Variants in SV2B observed in about 807,000 individuals in gnomAD.
SV2B encodes solute carrier family 22 member B2.
A neutral mutation model predicts 73.9 loss-of-function variants in SV2B; 41 were observed. That is an observed-to-expected ratio of 0.56 (90% CI 0.43 to 0.72). SV2B has a LOEUF of 0.72. SV2B is among the 30% of genes least tolerant of loss of function. The probability of loss-of-function intolerance (pLI) is 0.00; values close to 1 mark genes in which losing one functional copy is unlikely to be tolerated. For missense variants in SV2B, 764 were observed against 857.8 expected, an observed-to-expected ratio of 0.89 and a Z score of 1.37; for synonymous variants, 314 against 314.2, an observed-to-expected ratio of 1.00 and a Z score of 0.01.
At chr15:91,189,496 C>A (rs959313241) in intron 1 of SV2B, among the ~76,000 whole-genome samples, 1 of 151,936 alleles carries the variant, frequency 6.6e-6, no homozygotes, top group Non-Finnish European at 1.5e-5. Context: ...ATATGTAGTT[C>A]GATACTTCTG....
Position 91,220,257 on chromosome 15 carries a change from C to T in SV2B, c.-391-5616C>T, listed in dbSNP as rs534489495. On this transcript the variant is annotated intron_variant, in intron 1 of 12. Coordinates refer to ENST00000394232, the MANE Select transcript of SV2B (RefSeq NM_001323032.3). The surrounding 1 kb of genome is among the most constrained non-coding windows in gnomAD (Gnocchi z 4.1). ...AGGGTTCCAGTTCATCACATTCTAG[C>T]CAACACTTGCTATTGTCTGTCTGTT... Among the ~76,000 whole-genome samples the T allele has an allele frequency of 2.0e-5, 3 of 152,328 alleles. No individual in the cohort carries two copies. The highest frequency in any genetic ancestry group is 6.5e-5 in the Admixed American group (1 of 15,300).
chr15:91,133,704 G>T (rs969282114), intron 1 of SV2B, among the ~76,000 whole-genome samples: 6 of 152,140 alleles, frequency 3.9e-5, no homozygotes, highest in Non-Finnish European at 7.4e-5. Context: ...CTGTCCCCAG[G>T]CAGCAGGGTC....
chr15:91,264,974 T>C (rs1405666254), intron 6 of SV2B, among the ~76,000 whole-genome samples: 1 of 152,152 alleles, frequency 6.6e-6, no homozygotes, highest in Non-Finnish European at 1.5e-5. Flanking sequence ...TTGATGATTA[T>C]ATTAATGATG....
chr15:91,255,265 A>T (rs1308871672), intron 4 of SV2B, among the ~76,000 whole-genome samples: 1 of 152,192 alleles, frequency 6.6e-6, no homozygotes, highest in Non-Finnish European at 1.5e-5. Context: ...TCCATGGCAG[A>T]GGGGCCCCAT....
chr15:91,161,010 C>T (rs2043694795), intron 1 of SV2B, among the ~76,000 whole-genome samples: 1 of 141,432 alleles, frequency 7.1e-6, no homozygotes, highest in South Asian at 2.5e-4. Flanking sequence ...GCGTGCAGCC[C>T]CACGGATTAA....
intron 1 of SV2B, among the ~76,000 whole-genome samples, chr15:91,201,208 C>T (rs1223574153): frequency 6.6e-6 from 1 of 152,160 alleles, no homozygotes; most frequent in African/African-American, 2.4e-5. Flanking sequence ...GAATCACACC[C>T]TTTTTGGGTG....
At position 91,239,929 on chromosome 15, in the gene SV2B, C is replaced by A. The variant is rs931165417; in HGVS notation, c.452-11890C>A. Among the ~76,000 whole-genome samples the A allele has an allele frequency of 6.6e-6, 1 of 152,186 alleles. No homozygotes were observed. The highest frequency in any genetic ancestry group is 1.5e-5 in the Non-Finnish European group (1 of 68,032). On this transcript the variant is annotated intron_variant, in intron 2 of 12. Transcript: ENST00000394232. This position sits in a 1 kb window ranked among gnomAD's most constrained non-coding sequence, Gnocchi z 5.1. ...CGATAATGGCTTTCCAATCACCTGG[C>A]AGGTGTCCACCAAGTCTTATGGCTT...
intron 6 of SV2B, among the ~76,000 whole-genome samples, chr15:91,263,947 A>C (rs898176215): frequency 3.3e-5 from 5 of 152,208 alleles, no homozygotes; most frequent in African/African-American, 1.2e-4. Flanking sequence ...TAAATCTGAG[A>C]GTGTCTTTCT....
At chr15:91,184,350 T>A (rs950613510) in intron 1 of SV2B, among the ~76,000 whole-genome samples, 43 of 152,298 alleles carry the variant, frequency 2.8e-4, no homozygotes, top group African/African-American at 9.9e-4. Context: ...TGAATTCTGA[T>A]CTCTTCAGGC....
At chr15:91,285,601 G>A (rs902514290) in intron 11 of SV2B, among the ~76,000 whole-genome samples, 5 of 152,214 alleles carry the variant, frequency 3.3e-5, no homozygotes, top group Admixed American at 2.0e-4. Flanking sequence ...GTGGACCCAC[G>A]TTCCTTTACT....
At chr15:91,113,020 T>C (rs2042079366) in intron 1 of SV2B, among the ~76,000 whole-genome samples, 1 of 152,176 alleles carries the variant, frequency 6.6e-6, no homozygotes, top group African/African-American at 2.4e-5. Context: ...TTTTGAGAGA[T>C]GGGGTCTCCC....
chr15:91,298,679 T>A lies in SV2B; in HGVS notation c.*6127T>A, dbSNP rs888633216. The A allele has an allele frequency of 6.6e-6, 1 of 152,206 alleles. No homozygotes were observed. The highest frequency in any genetic ancestry group is 1.5e-5 in the Non-Finnish European group (1 of 68,028). The allele number at this position is 152,206 out of a possible 1,614,324, so 9.4% of individuals were successfully genotyped here. ...CTGAAAACACACATTTAGCTGTCCA[T>A]TTACCTTTAATCCTACAGGCTTAAA... is the stretch of plus-strand genomic sequence containing the variant. On this transcript the variant is annotated 3_prime_UTR_variant, in exon 13 of 13. Coordinates refer to ENST00000394232, the MANE Select transcript of SV2B (RefSeq NM_001323032.3). This position sits in a 1 kb window ranked among gnomAD's most constrained non-coding sequence, Gnocchi z 5.4.
At chr15:91,274,344 A>G (rs1263808210) in intron 9 of SV2B, among the ~76,000 whole-genome samples, 1 of 152,150 alleles carries the variant, frequency 6.6e-6, no homozygotes, top group Non-Finnish European at 1.5e-5. Context: ...TATCATTGTT[A>G]TGTCCTCTCT....
At chr15:91,152,394 A>G (rs1395702021) in intron 1 of SV2B, among the ~76,000 whole-genome samples, 1 of 152,182 alleles carries the variant, frequency 6.6e-6, no homozygotes, top group African/African-American at 2.4e-5. Flanking sequence ...GAGAGGTGGC[A>G]TAACACAGGG....
At chr15:91,210,717 C>T (rs1475798681) in intron 1 of SV2B, among the ~76,000 whole-genome samples, 1 of 152,190 alleles carries the variant, frequency 6.6e-6, no homozygotes, top group Non-Finnish European at 1.5e-5. Context: ...CCTATTGGAG[C>T]AATGCATCTC....
rs185650923 is a variant in SV2B at position 91,199,526 on chromosome 15, C to T, written c.-391-26347C>T. On this transcript the variant is annotated intron_variant, in intron 1 of 12. Coordinates refer to ENST00000394232, the MANE Select transcript of SV2B (RefSeq NM_001323032.3). ...TAAATGCCGCTTTGCTAAAACACAG[C>T]GCCTCTGGGCAGATGTTAGGCCCTT... Among the ~76,000 whole-genome samples the T allele has an allele frequency of 5.9e-5, 9 of 152,300 alleles. No homozygotes were observed. The East Asian group carries it at 7.7e-4, about 13-fold the overall frequency.
chr15:91,199,381 G>A lies in SV2B; in HGVS notation c.-391-26492G>A, dbSNP rs548283173. On this transcript the variant is annotated intron_variant, in intron 1 of 12. Transcript: ENST00000394232. ...ACAATCCTCCAGGCCAGTGTGCTCC[G>A]GGGACCAGAATCTTGGTGGTGATAA... Among the ~76,000 whole-genome samples, 10 of 152,264 alleles carry A rather than the reference G, an allele frequency of 6.6e-5. No homozygotes were observed. In the East Asian group the frequency reaches 1.5e-3, roughly 24 times the overall value.
intron 1 of SV2B, among the ~76,000 whole-genome samples, chr15:91,135,208 A>G (rs553222086): frequency 6.6e-6 from 1 of 152,228 alleles, no homozygotes; most frequent in Admixed American, 6.5e-5. Context: ...GTGGCCCTTG[A>G]GAGGCCACAA....
chr15:91,120,686 C>T (rs548653850), intron 1 of SV2B, among the ~76,000 whole-genome samples: 69 of 151,494 alleles, frequency 4.6e-4, no homozygotes, highest in African/African-American at 5.8e-4. Context: ...TGGTGGCATG[C>T]GCCTGTAGTC....
Sources: allele counts gnomAD v4.1 joint callset (sites outside exome capture counted in the v4.1 genomes callset), GRCh38; gene constraint gnomAD v4.1.1; non-coding constraint Gnocchi (gnomAD v3.1); transcripts MANE v1.5; gene names NCBI Gene and HGNC (gene_info 2026-07-23, HGNC 2026-07-21).